The following NPSR1 variants were observed in gnomAD, a reference collection of about 807,000 sequenced individuals.
The protein encoded by NPSR1 is neuropeptide S receptor 1.
Under a neutral mutation model 46.9 loss-of-function variants are expected in NPSR1, and 48 were observed. The observed-to-expected ratio is 1.02, with a 90% CI of 0.81 to 1.30. The LOEUF (loss-of-function observed/expected upper bound fraction) is 1.30. NPSR1 is among the 50% of genes most tolerant of loss of function. NPSR1 has a pLI of 0.00. For missense variants in NPSR1, 450 were observed against 449.5 expected, an observed-to-expected ratio of 1.00 and a Z score of -0.01; for synonymous variants, 176 against 168.1, an observed-to-expected ratio of 1.05 and a Z score of -0.36.
intron 2 of NPSR1, among the ~76,000 whole-genome samples, chr7:34,691,121 C>T (rs1230260684): frequency 6.6e-6 from 1 of 152,126 alleles, no homozygotes; most frequent in East Asian, 1.9e-4. Flanking sequence ...TCACATCCTG[C>T]CATGCTAAGC....
intron 8 of NPSR1, among the ~76,000 whole-genome samples, chr7:34,861,054 C>G (rs1399798464): frequency 6.6e-6 from 1 of 151,882 alleles, no homozygotes; most frequent in East Asian, 1.9e-4. Context: ...TAACTTATAG[C>G]CAATGCTGAT....
At chr7:34,785,531 T>TAATAATA in intron 3 of NPSR1, among the ~76,000 whole-genome samples, 1 of 151,114 alleles carries the variant, frequency 6.6e-6, no homozygotes, top group African/African-American at 2.4e-5. Context: ...TAAAGTATAA[T>TAATAATA]AAAAAAAGAA....
In NPSR1 at chr7:34,849,879, C is replaced by T. The variant is rs1161997014; in HGVS notation, c.*224C>T. ...CAGCCAGGAAGGAAACGCCTTCCTT[C>T]CCCACCATTCCCAGCCCTCCTTCCC... On this transcript the variant is annotated 3_prime_UTR_variant, in exon 9 of 9. Transcript: ENST00000360581. The T allele has an allele frequency of 7.7e-7, 1 of 1,306,010 alleles. No individual in the cohort carries two copies. The highest frequency in any genetic ancestry group is 1.8e-5 in the South Asian group (1 of 56,728). 80.9% of individuals were successfully genotyped at this position (1,306,010 alleles called of 1,614,324 possible).
intron 2 of NPSR1, among the ~76,000 whole-genome samples, chr7:34,713,308 T>C (rs1482673497): frequency 6.6e-6 from 1 of 152,180 alleles, no homozygotes; most frequent in Non-Finnish European, 1.5e-5. Flanking sequence ...ATATTCGTAG[T>C]TTTGCTAGCA....
intron 2 of NPSR1, chr7:34,719,335 C>T (rs1460485873): frequency 6.6e-6 from 1 of 152,216 alleles, no homozygotes; most frequent in Non-Finnish European, 1.5e-5. Context: ...AGGAAGGAGG[C>T]TTTTTCCTTT....
intron 2 of NPSR1, among the ~76,000 whole-genome samples, chr7:34,716,712 A>G (rs1030730390): frequency 6.6e-6 from 1 of 152,030 alleles, no homozygotes; most frequent in Admixed American, 6.5e-5. Flanking sequence ...TCCCCTCACA[A>G]TCCTTTATCT....
intron 3 of NPSR1, among the ~76,000 whole-genome samples, chr7:34,787,070 A>G (rs1031839626): frequency 1.3e-5 from 2 of 152,262 alleles, no homozygotes; most frequent in Middle Eastern, 3.4e-3. Context: ...CTCTAGCTAT[A>G]GAAGCGCTAG....
chr7:34,793,129 C>T (rs1196491236), intron 3 of NPSR1, among the ~76,000 whole-genome samples: 1 of 151,618 alleles, frequency 6.6e-6, no homozygotes, highest in African/African-American at 2.4e-5. Context: ...GAGTTCAAGA[C>T]CAGCCTGGGC....
chr7:34,662,825 A>G (rs2530560), intron 1 of NPSR1, among the ~76,000 whole-genome samples: 42,746 of 152,006 alleles, frequency 0.28, 7,612 homozygotes, highest in African/African-American at 0.51. Context: ...AGGATGGCAC[A>G]CAATTTCCAA....
intron 8 of NPSR1, among the ~76,000 whole-genome samples, chr7:34,868,068 A>T (rs940644872): frequency 5.9e-5 from 9 of 151,868 alleles, no homozygotes; most frequent in Non-Finnish European, 1.3e-4. Flanking sequence ...AACTAGCCAA[A>T]TCGCCAAATA....
At chr7:34,791,563 C>CA (rs933553784) in intron 3 of NPSR1, among the ~76,000 whole-genome samples, 31 of 151,272 alleles carry the variant, frequency 2.0e-4, no homozygotes, top group Admixed American at 9.2e-4. Flanking sequence ...TTAAACTAGG[C>CA]AAAAATTGGA....
In NPSR1 at chr7:34,864,646, T is replaced by G. The variant is rs1247556432; in HGVS notation, c.1026-13430T>G. On this transcript the variant is annotated intron_variant, in intron 8 of 8. Coordinates refer to the NPSR1 transcript ENST00000359791. Reference sequence around the variant, plus strand: ...AACTGCTTTGTTATATTTCTCAATGTTCCTAGGCCATGCACAAAATGTTGG... The same window carrying G: ...AACTGCTTTGTTATATTTCTCAATGGTCCTAGGCCATGCACAAAATGTTGG... Among the ~76,000 whole-genome samples the G allele has an allele frequency of 2.6e-5, 4 of 151,910 alleles. 1 individual carries two copies. The highest frequency in any genetic ancestry group is 9.7e-5 in the African/African-American group (4 of 41,148).
chr7:34,784,113 A>G (rs1407846792), intron 3 of NPSR1, among the ~76,000 whole-genome samples: 2 of 152,188 alleles, frequency 1.3e-5, no homozygotes, highest in East Asian at 1.9e-4. Context: ...TAGATATACA[A>G]TCATGTCATC....
chr7:34,686,191 T>A (rs2128685694), intron 2 of NPSR1: 1 of 152,440 alleles, frequency 6.6e-6, no homozygotes, highest in Admixed American at 6.5e-5. Flanking sequence ...TTGTATGTTC[T>A]AATTCATCAT....
chr7:34,779,646 G>T, intron 3 of NPSR1: 1 of 1,125,952 alleles, frequency 8.9e-7, no homozygotes, highest in Non-Finnish European at 1.1e-6. Context: ...ATGTCTGAAA[G>T]AGCCTTTTCT....
downstream of NPSR1, among the ~76,000 whole-genome samples, chr7:34,853,070 G>T (rs1790971562): frequency 6.6e-6 from 1 of 152,042 alleles, no homozygotes; most frequent in Non-Finnish European, 1.5e-5. Context: ...TTCATTTGTG[G>T]ATAATCATGA....
At position 34,672,493 on chromosome 7, in the gene NPSR1, C is replaced by T. The variant is rs17169972; in HGVS notation, c.148-12059C>T. On this transcript the variant is annotated intron_variant, in intron 1 of 8. Transcript: ENST00000360581. Reference sequence around the variant, plus strand: ...CAAGTGCAGTCCCACATGCCAAGCCCTGATCGAAATGAGAACGTTTAGGAT... The same window carrying T: ...CAAGTGCAGTCCCACATGCCAAGCCTTGATCGAAATGAGAACGTTTAGGAT... Among the ~76,000 whole-genome samples, 98 of 151,962 alleles carry T rather than the reference C, an allele frequency of 6.4e-4. No homozygotes were observed. In the East Asian group the frequency reaches 0.01, roughly 16 times the overall value.
intron 3 of NPSR1, among the ~76,000 whole-genome samples, chr7:34,803,701 A>C (rs556023662): frequency 1.6e-3 from 238 of 151,970 alleles, no homozygotes; most frequent in African/African-American, 5.5e-3. Context: ...CATGTACCCT[A>C]AAACTTAAAG....
chr7:34,668,793 T>G (rs1791888567), intron 1 of NPSR1, among the ~76,000 whole-genome samples: 1 of 152,194 alleles, frequency 6.6e-6, no homozygotes, highest in Admixed American at 6.5e-5. Context: ...GCCCTGGCTC[T>G]CATAAGCTTC....
Sources: allele counts gnomAD v4.1 joint callset (sites outside exome capture counted in the v4.1 genomes callset), GRCh38; gene constraint gnomAD v4.1.1; transcripts MANE v1.5; gene names NCBI Gene and HGNC (gene_info 2026-07-23, HGNC 2026-07-21).